Variants in SLC9A9 observed in about 807,000 individuals in gnomAD.
SLC9A9 encodes the protein solute carrier family 9 member A9, also known as sodium/hydrogen exchanger 9.
SLC9A9 carries 62 observed loss-of-function variants against 77.8 expected under a neutral mutation model. That is an observed-to-expected ratio of 0.80 (90% CI 0.65 to 0.98). The LOEUF is 0.98. Among genes scored for constraint, SLC9A9 ranks in the 50% least tolerant of loss-of-function variants. The pLI is 0.00. For missense variants in SLC9A9, 775 were observed against 774.9 expected, an observed-to-expected ratio of 1.00 and a Z score of 0.00; for synonymous variants, 320 against 283.5, an observed-to-expected ratio of 1.13 and a Z score of -1.29.
At position 143,773,185 on chromosome 3, in the gene SLC9A9, T is replaced by C. The variant is rs148725597; in HGVS notation, c.533+21816A>G. 4.6e-5 allele frequency among the ~76,000 whole-genome samples: 7 copies of C among 152,310 alleles called. No homozygotes were observed. The East Asian group carries it at 1.4e-3, about 29-fold the overall frequency. On this transcript the variant is annotated intron_variant, in intron 4 of 15. Coordinates refer to ENST00000316549, the MANE Select transcript of SLC9A9 (RefSeq NM_173653.4). ...TGCTAAACGTTTAATAAGTGGCTTTTTGGGGGGAAAAGCCCTGATTTGTAG... is the reference window on the plus strand; with the variant it reads ...TGCTAAACGTTTAATAAGTGGCTTTCTGGGGGGAAAAGCCCTGATTTGTAG...
intron 13 of SLC9A9, among the ~76,000 whole-genome samples, chr3:143,367,813 C>T (rs1364921166): frequency 2.0e-5 from 3 of 152,190 alleles, no homozygotes; most frequent in Non-Finnish European, 4.4e-5. Flanking sequence ...TTTTTCTTAT[C>T]ATTAGCAATA....
chr3:143,831,691 A>G (rs1483298853), intron 2 of SLC9A9, among the ~76,000 whole-genome samples: 9 of 152,230 alleles, frequency 5.9e-5, no homozygotes, highest in Admixed American at 2.0e-4. Flanking sequence ...CTGAAAGCAC[A>G]TGTGTGAAAA....
rs183859738 is a variant in SLC9A9, at chr3:143,539,082, G to A, written c.1089+13280C>T. On this transcript the variant is annotated intron_variant, in intron 9 of 15. Coordinates refer to ENST00000316549, the MANE Select transcript of SLC9A9 (RefSeq NM_173653.4). ...TTAGAACCAGTGGAAAAATACAACA[G>A]TAATAGTTTGTTACCTAGGTATTCA... is the stretch of plus-strand genomic sequence containing the variant. 4.6e-5 allele frequency among the ~76,000 whole-genome samples: 7 copies of A among 152,268 alleles called. No individual in the cohort carries two copies. In the East Asian group the frequency reaches 1.3e-3, roughly 29 times the overall value.
At chr3:143,641,783 T>G (rs1250437047) in intron 6 of SLC9A9, among the ~76,000 whole-genome samples, 1 of 152,156 alleles carries the variant, frequency 6.6e-6, no homozygotes, top group East Asian at 1.9e-4. Context: ...AAACAGGTCT[T>G]TTGCTGTGTC....
At chr3:143,790,735 A>G (rs1334879486) in intron 4 of SLC9A9, among the ~76,000 whole-genome samples, 1 of 152,246 alleles carries the variant, frequency 6.6e-6, no homozygotes, top group Non-Finnish European at 1.5e-5. Context: ...ATAAAATGAG[A>G]TAATACATGT....
chr3:143,765,090 T>TTTCTTTCTTTCC, intron 4 of SLC9A9, among the ~76,000 whole-genome samples: 1 of 139,990 alleles, frequency 7.1e-6, no homozygotes. Flanking sequence ...TTTTTCTTTC[T>TTTCTTTCTTTCC]CTCTTTCTTT....
chr3:143,438,068 A>G (rs1035030397), intron 12 of SLC9A9, among the ~76,000 whole-genome samples: 5 of 152,262 alleles, frequency 3.3e-5, no homozygotes, highest in African/African-American at 1.2e-4. Flanking sequence ...AGATGCAGAA[A>G]GGAAAGGCCA....
intron 6 of SLC9A9, among the ~76,000 whole-genome samples, chr3:143,607,901 CTT>C (rs1317637119): frequency 2.0e-5 from 3 of 151,866 alleles, no homozygotes; most frequent in African/African-American, 7.2e-5. Flanking sequence ...ATATTTTTAA[CTT>C]ATATATGTAT....
chr3:143,787,435 T>G (rs2008086989), intron 4 of SLC9A9, among the ~76,000 whole-genome samples: 1 of 152,214 alleles, frequency 6.6e-6, no homozygotes, highest in Admixed American at 6.5e-5. Context: ...TTGTTTTAAT[T>G]CCCCTGCTTA....
At chr3:143,749,913 C>T (rs568119167) in intron 4 of SLC9A9, among the ~76,000 whole-genome samples, 10 of 152,312 alleles carry the variant, frequency 6.6e-5, no homozygotes, top group African/African-American at 2.4e-4. Context: ...CTGTGCCTTT[C>T]GGATATGATT....
intron 8 of SLC9A9, among the ~76,000 whole-genome samples, chr3:143,565,399 C>T (rs1029850506): frequency 6.6e-6 from 1 of 152,098 alleles, no homozygotes; most frequent in Non-Finnish European, 1.5e-5. Flanking sequence ...CTCTATGACT[C>T]CTGGCACCAT....
chr3:143,843,410 A>T (rs1345006257), intron 1 of SLC9A9, among the ~76,000 whole-genome samples: 2 of 152,238 alleles, frequency 1.3e-5, no homozygotes, highest in East Asian at 3.8e-4. Flanking sequence ...TTAAATCTTG[A>T]AAAACTTGGT....
intron 2 of SLC9A9, among the ~76,000 whole-genome samples, chr3:143,813,201 T>C (rs1000456703): frequency 2.0e-5 from 3 of 152,070 alleles, no homozygotes; most frequent in Non-Finnish European, 4.4e-5. Flanking sequence ...AAAATGATAA[T>C]ATTGGGTCAA....
chr3:143,808,020 G>A (rs972556999), intron 2 of SLC9A9, among the ~76,000 whole-genome samples: 2 of 152,200 alleles, frequency 1.3e-5, no homozygotes, highest in Non-Finnish European at 2.9e-5. Context: ...GGGAGTTGGG[G>A]AGAGAAGGCA....
chr3:143,480,407 A>G (rs2035553503), intron 11 of SLC9A9, among the ~76,000 whole-genome samples: 1 of 152,214 alleles, frequency 6.6e-6, no homozygotes, highest in Non-Finnish European at 1.5e-5. Context: ...TGAGGACTTA[A>G]TGGGATCTGC....
chr3:143,765,620 G>A (rs575586873), intron 4 of SLC9A9, among the ~76,000 whole-genome samples: 43 of 152,248 alleles, frequency 2.8e-4, no homozygotes, highest in African/African-American at 9.6e-4. Flanking sequence ...ATATAAATTC[G>A]TGATTGTTGA....
At chr3:143,586,104 C>A (rs1208426366) in intron 6 of SLC9A9, among the ~76,000 whole-genome samples, 1 of 152,232 alleles carries the variant, frequency 6.6e-6, no homozygotes, top group African/African-American at 2.4e-5. Context: ...CCAGGGATAA[C>A]CCCTTTCCTT....
chr3:143,645,533 G>A (rs1299508160), intron 6 of SLC9A9, among the ~76,000 whole-genome samples: 3 of 152,200 alleles, frequency 2.0e-5, no homozygotes, highest in African/African-American at 2.4e-5. Flanking sequence ...TCTCTTGAAC[G>A]GTTGGATGAT....
At position 143,297,683 on chromosome 3, in the gene SLC9A9, C is replaced by T. The variant is rs1026997788; in HGVS notation, c.1605-28703G>A. Among the ~76,000 whole-genome samples, 9 of 152,236 alleles carry T rather than the reference C, an allele frequency of 5.9e-5. 1 individual carries two copies. The highest frequency in any genetic ancestry group is 2.0e-4 in the Admixed American group (3 of 15,286). ...TGTGTCTTTTAATTTCTTTCATCAA[C>T]GTTTTATAGTTTTCAATGTATAAAT... On this transcript the variant is annotated intron_variant, in intron 14 of 15. Coordinates refer to ENST00000316549, the MANE Select transcript of SLC9A9 (RefSeq NM_173653.4).
Sources: gnomAD v4.1 joint callset for allele counts (sites outside exome capture counted in the v4.1 genomes callset) on GRCh38, gnomAD v4.1.1 for gene constraint, MANE v1.5 for transcripts, NCBI Gene and HGNC (gene_info 2026-07-23, HGNC 2026-07-21) for gene names.